The following ACACA variants were observed in gnomAD, a reference collection of about 807,000 sequenced individuals.
ACACA encodes the protein acetyl-CoA carboxylase alpha.
Under a neutral mutation model 296.1 loss-of-function variants are expected in ACACA, and 103 were observed. The observed-to-expected ratio is 0.35, with a 90% CI of 0.30 to 0.41. The LOEUF is 0.41. Ranked by LOEUF, ACACA falls within the 10% of genes least tolerant of loss-of-function variation. ACACA has a pLI of 1.00. For missense variants in ACACA, 1,554 were observed against 2,989.7 expected (o/e 0.52, Z 11.20); for synonymous variants, 953 against 1,038.6 (o/e 0.92, Z 1.58).
At chr17:37,227,994 C>T (rs933419407) in intron 25 of ACACA, among the ~76,000 whole-genome samples, 5 of 152,022 alleles carry the variant, frequency 3.3e-5, no homozygotes, top group Admixed American at 2.6e-4. Flanking sequence ...AATCTCCCCA[C>T]TTTGATTATC....
At chr17:37,156,406 T>C (rs1247821449) in intron 42 of ACACA, among the ~76,000 whole-genome samples, 3 of 140,820 alleles carry the variant, frequency 2.1e-5, no homozygotes, top group Non-Finnish European at 4.6e-5. Context: ...TTCTGATCTT[T>C]AGTGACATCT....
In ACACA at chr17:37,217,753, A is replaced by C. The variant is rs1043294886; in HGVS notation, c.3683+3971T>G. 3.2e-3 allele frequency among the ~76,000 whole-genome samples: 300 copies of C among 94,194 alleles called. 3 individuals are homozygous for C. Among genetic ancestry groups the C allele is most frequent in the Middle Eastern group, 8.3e-3 (2 of 240 alleles). The allele number at this position is 94,194 out of a possible 152,430, so 61.8% of individuals were successfully genotyped here. A position where few individuals can be genotyped will look rare whatever the true frequency, so the allele number is the denominator to read the frequency against. ...CCATCTCAAAAAAAAAAAAAAAAAA[A>C]AAAAAAAAAAACAACCTGTTTTCTC... On this transcript the variant is annotated intron_variant, in intron 29 of 55. Transcript: ENST00000616317.
intron 1 of ACACA, among the ~76,000 whole-genome samples, chr17:37,380,267 G>A (rs1214715920): frequency 1.6e-5 from 2 of 121,864 alleles, no homozygotes; most frequent in African/African-American, 6.6e-5. Context: ...AGACTCTGGG[G>A]ACTGTTGTGG....
chr17:37,101,086 GAAAAA>G (rs769214258), intron 52 of ACACA, among the ~76,000 whole-genome samples: 11 of 56,382 alleles, frequency 2.0e-4, no homozygotes, highest in African/African-American at 9.2e-4. Context: ...GACTGTCTCA[GAAAAA>G]AAAAAAAAAA....
intron 3 of ACACA, among the ~76,000 whole-genome samples, chr17:37,299,117 G>A (rs2083491663): frequency 6.6e-6 from 1 of 151,750 alleles, no homozygotes; most frequent in Non-Finnish European, 1.5e-5. Context: ...TAGACATTCA[G>A]GAGCCAATAT....
In ACACA at chr17:37,097,517, C is replaced by T. The variant is rs978960290; in HGVS notation, c.6720+313G>A. Among the ~76,000 whole-genome samples the T allele has an allele frequency of 2.0e-5, 3 of 152,142 alleles. No individual in the cohort carries two copies. The highest frequency in any genetic ancestry group is 6.5e-5 in the Admixed American group (1 of 15,280). ...CAGATCAATTATTAATTAGCTGCTG[C>T]GGGAGCCTTGACCCTATAGTAACCC... On this transcript the variant is annotated intron_variant, in intron 53 of 55. Coordinates refer to ENST00000616317, the MANE Select transcript of ACACA (RefSeq NM_198834.3). This position sits in a 1 kb window ranked among gnomAD's most constrained non-coding sequence, Gnocchi z 4.8.
chr17:37,289,936 T>C (rs1161770162), intron 3 of ACACA, among the ~76,000 whole-genome samples: 1 of 152,220 alleles, frequency 6.6e-6, no homozygotes, highest in Non-Finnish European at 1.5e-5. Context: ...ATAAATAGTG[T>C]GTGTTCCTTG....
intron 3 of ACACA, chr17:37,329,023 G>A (rs947877406): frequency 1.3e-5 from 5 of 398,350 alleles, no homozygotes; most frequent in African/African-American, 6.2e-5. Context: ...TATCTCACAC[G>A]CTAGTTATAT....
At chr17:37,182,687 G>C (rs914387182) in intron 39 of ACACA, among the ~76,000 whole-genome samples, 1 of 152,174 alleles carries the variant, frequency 6.6e-6, no homozygotes, top group Non-Finnish European at 1.5e-5. Flanking sequence ...GGATGTAAGG[G>C]TATGTGTATA....
At chr17:37,317,681 G>T (rs543183266) in intron 3 of ACACA, among the ~76,000 whole-genome samples, 1 of 152,240 alleles carries the variant, frequency 6.6e-6, no homozygotes, top group South Asian at 2.1e-4. Flanking sequence ...CTAACAGAAA[G>T]AAAAGAGGGG....
At chr17:37,317,983 C>T (rs994936607) in intron 3 of ACACA, among the ~76,000 whole-genome samples, 2 of 152,094 alleles carry the variant, frequency 1.3e-5, no homozygotes, top group African/African-American at 2.4e-5. Context: ...ACCATGGCAA[C>T]TGGGAACCTC....
At chr17:37,161,058 T>C (rs1158415064) in intron 42 of ACACA, among the ~76,000 whole-genome samples, 1 of 152,172 alleles carries the variant, frequency 6.6e-6, no homozygotes, top group African/African-American at 2.4e-5. Context: ...GAATCATCTA[T>C]GTGGATATAG....
chr17:37,335,241 C>T (rs1218059013), intron 2 of ACACA, among the ~76,000 whole-genome samples: 1 of 152,120 alleles, frequency 6.6e-6, no homozygotes, highest in Non-Finnish European at 1.5e-5. Context: ...GGATGTGCCT[C>T]CCCCTGCACT....
chr17:37,200,510 A>T lies in ACACA; in HGVS notation c.4057-27T>A, dbSNP rs2078199436. ...TAGGAGCAAAAACATGTAAAACAGA[A>T]GATAGATGAGATTTCCATTCATTCT... On this transcript the variant is annotated intron_variant, in intron 33 of 55. Coordinates refer to ENST00000616317, the MANE Select transcript of ACACA (RefSeq NM_198834.3). The T allele has an allele frequency of 2.5e-6, 4 of 1,580,154 alleles. No individual in the cohort carries two copies. In the African/African-American group the frequency reaches 4.0e-5, roughly 16 times the overall value.
chr17:37,264,184 C>T (rs2081640046), intron 10 of ACACA, among the ~76,000 whole-genome samples: 1 of 152,174 alleles, frequency 6.6e-6, no homozygotes, highest in Non-Finnish European at 1.5e-5. Flanking sequence ...GGCACATACA[C>T]AAATCCAACA....
chr17:37,381,949 G>GC (rs1360693583), intron 1 of ACACA, among the ~76,000 whole-genome samples: 1 of 151,934 alleles, frequency 6.6e-6, no homozygotes, highest in Non-Finnish European at 1.5e-5. Context: ...TATTCTACTA[G>GC]CCCCCTATTG....
intron 3 of ACACA, among the ~76,000 whole-genome samples, chr17:37,314,104 C>CTTTTTTTT (rs34202919): frequency 7.5e-6 from 1 of 134,006 alleles, no homozygotes. Context: ...ACTATATATT[C>CTTTTTTTT]TTTTTTTTTT....
intron 41 of ACACA, among the ~76,000 whole-genome samples, chr17:37,171,987 G>T (rs927960678): frequency 6.6e-6 from 1 of 152,108 alleles, no homozygotes; most frequent in Admixed American, 6.5e-5. Flanking sequence ...TTAATCATAC[G>T]AATGAGTGCT....
chr17:37,135,300 T>C (rs1393619734), intron 45 of ACACA, among the ~76,000 whole-genome samples: 3 of 152,228 alleles, frequency 2.0e-5, no homozygotes, highest in East Asian at 1.9e-4. Flanking sequence ...TCTTAATGCA[T>C]AGGCAAAGCG....
Sources: allele counts gnomAD v4.1 joint callset (sites outside exome capture counted in the v4.1 genomes callset), GRCh38; gene constraint gnomAD v4.1.1; non-coding constraint Gnocchi (gnomAD v3.1); transcripts MANE v1.5; gene names NCBI Gene and HGNC (gene_info 2026-07-23, HGNC 2026-07-21).